Variants in MGST2 observed in about 807,000 individuals in gnomAD.
MGST2 encodes microsomal glutathione S-transferase 2, also known as glutathione peroxidase MGST2.
In MGST2, 9 loss-of-function variants were observed where a neutral mutation model predicts 16.6. The ratio of observed to expected loss-of-function variants is 0.54; its 90% CI spans 0.33 to 0.95. The LOEUF (loss-of-function observed/expected upper bound fraction) is 0.95, where lower values mean the gene tolerates loss of function less well. Among genes scored for constraint, MGST2 ranks in the 40% least tolerant of loss-of-function variants. The probability of loss-of-function intolerance (pLI) is 0.03; values close to 1 mark genes in which losing one functional copy is unlikely to be tolerated. For synonymous variants in MGST2, 79 were observed against 68.0 expected (o/e 1.16, Z -0.79); for missense variants, 159 against 175.1 (o/e 0.91, Z 0.52).
chr4:139,751,697 T>C, the MGST2 span, among the ~76,000 whole-genome samples: 1 of 152,280 alleles, frequency 6.6e-6, no homozygotes, highest in African/African-American at 2.4e-5. Context: ...GTGGGTTTGA[T>C]GGACCCCAGG....
intron 1 of MGST2, among the ~76,000 whole-genome samples, chr4:139,670,671 G>C (rs1300289406): frequency 6.6e-6 from 1 of 152,144 alleles, no homozygotes; most frequent in African/African-American, 2.4e-5. Context: ...CAAGCACTTT[G>C]GGTGACCAAG....
intron 5 of MGST2, chr4:139,720,292 G>A (rs1199983077): frequency 6.4e-7 from 1 of 1,554,214 alleles, no homozygotes; most frequent in Admixed American, 1.9e-5. Context: ...GGGCTGCTTG[G>A]CTTCTTACGG....
Position 139,730,752 on chromosome 4 carries a change from C to T in MGST2, c.*49-9460C>T, listed in dbSNP as rs148049902. On this transcript the variant is annotated intron_variant, in intron 5 of 5. Coordinates refer to the MGST2 transcript ENST00000616265. ...AAGGGAAGCCCCTGGAAAAAGGGAA[C>T]GGGGCAGAAGTCCCAGCTTATGGAC... 4,348 of 1,286,604 alleles carry T rather than the reference C, an allele frequency of 3.4e-3. 25 individuals are homozygous for T. The highest frequency in any genetic ancestry group is 4.3e-3 in the Non-Finnish European group (3,970 of 921,384). 79.7% of individuals were successfully genotyped at this position (1,286,604 alleles called of 1,614,324 possible).
intron 1 of MGST2, among the ~76,000 whole-genome samples, chr4:139,670,439 A>G (rs1165897793): frequency 6.6e-6 from 1 of 152,194 alleles, no homozygotes; most frequent in Non-Finnish European, 1.5e-5. Flanking sequence ...CAGGAATTAT[A>G]GGCAAAGACA....
At chr4:139,739,779 A>G (rs1729096127) in intron 5 of MGST2, among the ~76,000 whole-genome samples, 1 of 148,672 alleles carries the variant, frequency 6.7e-6, no homozygotes, top group African/African-American at 2.4e-5. Flanking sequence ...TAGTCTTGTT[A>G]GACAAGAATT....
intron 5 of MGST2, among the ~76,000 whole-genome samples, chr4:139,724,685 G>A (rs1222898387): frequency 1.3e-5 from 2 of 152,110 alleles, no homozygotes; most frequent in Admixed American, 1.3e-4. Context: ...GCTGCTAGGT[G>A]ACCCCTGTAG....
rs190733790 is a variant in MGST2, at chr4:139,714,227, C to T, written c.*48+10031C>T. ...TGTTTTATCCTAAAGTACCCCTTTA[C>T]ACAGAAAAACGAATTCATGGCACAA... On this transcript the variant is annotated intron_variant, in intron 5 of 5. Transcript: ENST00000616265. Among the ~76,000 whole-genome samples the T allele has an allele frequency of 1.5e-4, 23 of 152,328 alleles. No individual in the cohort carries two copies. The South Asian group carries it at 3.7e-3, about 25-fold the overall frequency.
At chr4:139,705,048 A>G (rs1727467254), downstream of MGST2, among the ~76,000 whole-genome samples, 1 of 152,184 alleles carries the variant, frequency 6.6e-6, no homozygotes, top group Non-Finnish European at 1.5e-5. Context: ...TGGGAAAAGA[A>G]AGAAATTTAA....
chr4:139,679,992 T>TC lies in MGST2; in HGVS notation c.158+1354dup, dbSNP rs8192069. 3.4e-3 allele frequency among the ~76,000 whole-genome samples: 518 copies of TC among 152,304 alleles called. 2 individuals are homozygous for TC. The highest frequency in any genetic ancestry group is 0.011 in the African/African-American group (461 of 41,562). ...CAAATAACTCTTCCTTGTCCCTACC[T>TC]CCCCTCTCCCTCTATCCCTAGAGAT... is the stretch of plus-strand genomic sequence containing the variant. On this transcript the variant is annotated intron_variant, in intron 2 of 4. Transcript: ENST00000265498.
chr4:139,729,340 C>A lies in MGST2; in HGVS notation c.*49-10872C>A, dbSNP rs146552936. 3.4e-3 allele frequency among the ~76,000 whole-genome samples: 519 copies of A among 152,186 alleles called. 3 individuals are homozygous for A. Among genetic ancestry groups the A allele is most frequent in the Middle Eastern group, 0.017 (5 of 294 alleles). ...GCTTAGTAAATTTGCAAAATTCTGGCAGGGCGTGGTGGCTCACATCTGTAA... is the reference window on the plus strand; with the variant it reads ...GCTTAGTAAATTTGCAAAATTCTGGAAGGGCGTGGTGGCTCACATCTGTAA... On this transcript the variant is annotated intron_variant, in intron 5 of 5. Transcript: ENST00000616265.
At chr4:139,724,981 A>G (rs4863679) in intron 5 of MGST2, among the ~76,000 whole-genome samples, 41,159 of 151,466 alleles carry the variant, frequency 0.27, 5,892 homozygotes, top group African/African-American at 0.34. Flanking sequence ...CTGGTCTTGA[A>G]CTCCTGGCCT....
chr4:139,666,313 C>G (rs574321721), intron 1 of MGST2, among the ~76,000 whole-genome samples: 37 of 152,180 alleles, frequency 2.4e-4, no homozygotes, highest in African/African-American at 8.9e-4. Context: ...GATTAGTTCT[C>G]CCAACTGGAA....
At chr4:139,694,270 T>G (rs1726791423) in intron 2 of MGST2, among the ~76,000 whole-genome samples, 1 of 152,092 alleles carries the variant, frequency 6.6e-6, no homozygotes, top group African/African-American at 2.4e-5. Context: ...CAGCGTCATC[T>G]ATTTCTAGAT....
At chr4:139,702,732 T>C (rs1411819793) in intron 3 of MGST2, among the ~76,000 whole-genome samples, 1 of 152,004 alleles carries the variant, frequency 6.6e-6, no homozygotes, top group Non-Finnish European at 1.5e-5. Context: ...CGTTCGATTT[T>C]ATAAGAAACT....
intron 1 of MGST2, 114 bp downstream of exon 1, chr4:139,666,191 T>A: frequency 8.8e-7 from 1 of 1,138,742 alleles, no homozygotes. Context: ...TTTTGTTTCC[T>A]ACTTGCCCTT....
intron 3 of MGST2, among the ~76,000 whole-genome samples, chr4:139,699,051 A>G (rs1416847900): frequency 1.3e-5 from 2 of 152,246 alleles, no homozygotes; most frequent in African/African-American, 4.8e-5. Flanking sequence ...TGCACTAAAC[A>G]TTGATGAAAA....
chr4:139,691,676 G>T lies in MGST2; in HGVS notation c.159-3521G>T, dbSNP rs1300955098. Among the ~76,000 whole-genome samples, 353 of 135,170 alleles carry T rather than the reference G, an allele frequency of 2.6e-3. 1 individual carries two copies. Among genetic ancestry groups the T allele is most frequent in the African/African-American group, 0.011 (345 of 30,866 alleles). 88.7% of individuals were successfully genotyped at this position (135,170 alleles called of 152,430 possible). ...ACCCCACTGGCAGTCAGATGATGAT[G>T]ATGATGATGATGATGATGATGATTA... is the stretch of plus-strand genomic sequence containing the variant. On this transcript the variant is annotated intron_variant, in intron 2 of 4. Coordinates refer to ENST00000265498, the MANE Select transcript of MGST2 (RefSeq NM_002413.5).
the MGST2 span, among the ~76,000 whole-genome samples, chr4:139,752,219 A>G: frequency 1.3e-5 from 2 of 152,234 alleles, no homozygotes; most frequent in African/African-American, 4.8e-5. Flanking sequence ...ACTACTAGAA[A>G]GAAAGAAAAA....
intron 2 of MGST2, chr4:139,678,972 G>A (rs1731105522): frequency 8.9e-6 from 3 of 336,846 alleles, no homozygotes; most frequent in African/African-American, 2.1e-5. Context: ...GTCTGAAGTT[G>A]GATTCGTTAT....
Sources: allele counts gnomAD v4.1 joint callset (sites outside exome capture counted in the v4.1 genomes callset), GRCh38; gene constraint gnomAD v4.1.1; transcripts MANE v1.5; gene names NCBI Gene and HGNC (gene_info 2026-07-23, HGNC 2026-07-21).